INSR: variants seen among roughly 807,000 people sequenced by gnomAD.
INSR encodes the protein IR.
INSR carries 67 observed loss-of-function variants against 142.6 expected under a neutral mutation model. That is an observed-to-expected ratio of 0.47 (90% confidence interval 0.39 to 0.58). The LOEUF is 0.58. INSR is among the 20% of genes least tolerant of loss of function. The probability of loss-of-function intolerance (pLI) is 0.00; values close to 1 mark genes in which losing one functional copy is unlikely to be tolerated. For synonymous variants in INSR, 756 were observed against 743.1 expected (o/e 1.02, Z -0.28); for missense variants, 1,248 against 1,833.2 (o/e 0.68, Z 5.83).
At chr19:7,184,705 A>T in intron 2 of INSR, 68 bp from the exon 3 acceptor site, 1 of 1,164,192 alleles carries the variant, frequency 8.6e-7, no homozygotes, top group African/African-American at 1.6e-5. Context: ...TAAATAAATA[A>T]ATGGCTTTGT....
chr19:7,278,778 G>A (rs779964573), intron 1 of INSR, among the ~76,000 whole-genome samples: 25 of 152,170 alleles, frequency 1.6e-4, no homozygotes, highest in Admixed American at 4.6e-4. Context: ...AGGATCACCT[G>A]AGGTCAGGAG....
At chr19:7,271,559 T>A (rs1967927416) in intron 1 of INSR, among the ~76,000 whole-genome samples, 1 of 152,096 alleles carries the variant, frequency 6.6e-6, no homozygotes, top group Non-Finnish European at 1.5e-5. Context: ...TGTAAAACAG[T>A]GCAGCCACTG....
chr19:7,206,645 C>T (rs1975112566), intron 2 of INSR, among the ~76,000 whole-genome samples: 1 of 152,112 alleles, frequency 6.6e-6, no homozygotes, highest in African/African-American at 2.4e-5. Flanking sequence ...TCTCCCGTCA[C>T]CACCAAATGG....
intron 2 of INSR, among the ~76,000 whole-genome samples, chr19:7,258,500 T>C (rs2145191742): frequency 6.7e-6 from 1 of 149,504 alleles, no homozygotes; most frequent in South Asian, 2.1e-4. Flanking sequence ...AGGTCGTAGT[T>C]TGCTGATCAC....
intron 13 of INSR, among the ~76,000 whole-genome samples, chr19:7,134,594 G>A (rs910096308): frequency 6.6e-6 from 1 of 151,768 alleles, no homozygotes; most frequent in Non-Finnish European, 1.5e-5. Context: ...GTGAAACCCC[G>A]TCTCCACTAA....
chr19:7,213,451 T>C (rs1057360075), intron 2 of INSR, among the ~76,000 whole-genome samples: 7 of 151,910 alleles, frequency 4.6e-5, no homozygotes, highest in African/African-American at 1.7e-4. Context: ...CCTTTGCTTC[T>C]CTCCCCCAAG....
rs543130582 is a variant in INSR at position 7,165,629 on chromosome 19, G to A, written c.1861+525C>T. On this transcript the variant is annotated intron_variant, in intron 8 of 21. Transcript: ENST00000302850. ...TCTAATCCCAGGACTTTGGGAGGCC[G>A]AGGCAGGAGGATCACTTGAGGCCAG... 3.9e-5 allele frequency among the ~76,000 whole-genome samples: 6 copies of A among 152,154 alleles called. No individual in the cohort carries two copies. In the East Asian group the frequency reaches 7.7e-4, roughly 20 times the overall value.
At chr19:7,155,606 GA>G (rs1054317924) in intron 9 of INSR, among the ~76,000 whole-genome samples, 3 of 133,770 alleles carry the variant, frequency 2.2e-5, no homozygotes, top group African/African-American at 1.0e-4. Context: ...AGAATGGTGG[GA>G]GGGGGTTAGA....
At chr19:7,193,119 C>G (rs377726519) in intron 2 of INSR, among the ~76,000 whole-genome samples, 2 of 139,744 alleles carry the variant, frequency 1.4e-5, no homozygotes, top group South Asian at 4.5e-4. Flanking sequence ...TCTTTTTTTT[C>G]TTTTTTTTTT....
At chr19:7,261,361 G>A (rs575714955) in intron 2 of INSR, among the ~76,000 whole-genome samples, 2 of 152,128 alleles carry the variant, frequency 1.3e-5, no homozygotes, top group African/African-American at 2.4e-5. Context: ...GTCAATAAAC[G>A]AACTGCATAG....
At chr19:7,121,803 T>C (rs1035099842) in intron 19 of INSR, among the ~76,000 whole-genome samples, 2 of 152,214 alleles carry the variant, frequency 1.3e-5, no homozygotes, top group Non-Finnish European at 2.9e-5. Context: ...TAAGTGAGTT[T>C]ATCAATACAT....
chr19:7,143,427 A>G lies in INSR; in HGVS notation c.2268-337T>C, dbSNP rs371887720. The stretch of plus-strand genomic sequence containing the variant: ...ATAAATAGGCCAGCCAGGGTCAGTG[A>G]CAAAAATAAGACACCAAAAGCACGT... On this transcript the variant is annotated intron_variant, in intron 11 of 21. Transcript: ENST00000302850. Among the ~76,000 whole-genome samples, 11 of 152,350 alleles carry G rather than the reference A, an allele frequency of 7.2e-5. No homozygotes were observed. The East Asian group carries it at 1.9e-3, about 27-fold the overall frequency.
At chr19:7,215,882 T>G (rs1459419747) in intron 2 of INSR, among the ~76,000 whole-genome samples, 1 of 151,736 alleles carries the variant, frequency 6.6e-6, no homozygotes, top group Non-Finnish European at 1.5e-5. Flanking sequence ...AGTCTCCTTT[T>G]CTGATAACAT....
chr19:7,292,180 T>A (rs1029837322), intron 1 of INSR, among the ~76,000 whole-genome samples: 1 of 151,420 alleles, frequency 6.6e-6, no homozygotes, highest in African/African-American at 2.4e-5. Context: ...AACCTCCTCC[T>A]CCCGGGTTCA....
chr19:7,241,954 C>T (rs955976715), intron 2 of INSR, among the ~76,000 whole-genome samples: 7 of 151,718 alleles, frequency 4.6e-5, no homozygotes, highest in Non-Finnish European at 1.0e-4. Context: ...GTCAGGAGTT[C>T]GGGACTGGCC....
In INSR at chr19:7,268,766, T is replaced by TC. The variant is rs200929759; in HGVS notation, c.101-871dup. Among the ~76,000 whole-genome samples the TC allele has an allele frequency of 5.4e-4, 78 of 145,198 alleles. No homozygotes were observed. In the East Asian group the frequency reaches 0.015, roughly 27 times the overall value. On this transcript the variant is annotated intron_variant, in intron 1 of 21. Coordinates refer to ENST00000302850, the MANE Select transcript of INSR (RefSeq NM_000208.4). ...TGTTGTTCTTCTTGCTGTTGTTTAT[T>TC]CCCCCAAACATATAACAGTCATCTC...
intron 2 of INSR, among the ~76,000 whole-genome samples, chr19:7,235,494 A>C (rs1184072017): frequency 5.3e-5 from 8 of 152,182 alleles, no homozygotes; most frequent in Admixed American, 5.2e-4. Context: ...CACAGTGTGG[A>C]GCTAATTAAA....
intron 11 of INSR, among the ~76,000 whole-genome samples, chr19:7,143,313 T>C (rs1316056399): frequency 6.6e-6 from 1 of 152,162 alleles, no homozygotes; most frequent in Non-Finnish European, 1.5e-5. Context: ...GCCCACCTCG[T>C]GAGGGATGAG....
At chr19:7,157,456 T>A (rs1041707315) in intron 9 of INSR, among the ~76,000 whole-genome samples, 16 of 129,238 alleles carry the variant, frequency 1.2e-4, no homozygotes, top group Non-Finnish European at 2.2e-4. Context: ...AGAGACAGAG[T>A]TTTGCTGTGT....
Sources: allele counts gnomAD v4.1 joint callset (sites outside exome capture counted in the v4.1 genomes callset), GRCh38; gene constraint gnomAD v4.1.1; transcripts MANE v1.5; gene names NCBI Gene and HGNC (gene_info 2026-07-23, HGNC 2026-07-21).